Variants in LRRN2 observed in about 807,000 individuals in gnomAD.
LRRN2 encodes leucine-rich repeat neuronal protein 2.
In LRRN2, 10 loss-of-function variants were observed where a neutral mutation model predicts 35.7. That is an observed-to-expected ratio of 0.28 (90% CI 0.17 to 0.47). LRRN2 has a LOEUF of 0.47. Ranked by LOEUF, LRRN2 falls within the 20% of genes least tolerant of loss-of-function variation. LRRN2 has a pLI of 0.99. For synonymous variants in LRRN2, 391 were observed against 409.6 expected (o/e 0.95, Z 0.55); for missense variants, 731 against 940.3 (o/e 0.78, Z 2.91).
chr1:204,618,488 A>G lies in LRRN2; in HGVS notation c.1505T>C (p.Leu502Pro). The G allele has an allele frequency of 6.2e-7, 1 of 1,614,212 alleles. No individual in the cohort carries two copies. The highest frequency in any genetic ancestry group is 8.5e-7 in the Non-Finnish European group (1 of 1,180,034). ...AGLYTCVAQN[L>P]VGADTKTVSV... ...AACCGTCTTAGTGTCAGCCCCCACC[A>G]GGTTCTGGGCCACACAGGTGTATAG... Residue 502 changes from leucine to proline, a missense_variant, in exon 2 of 2, where the codon CTG (leucine) becomes CCG (proline). This residue lies in a region of LRRN2 where 256 missense variants were observed against 392.4 expected (regional missense o/e 0.65). Transcript: ENST00000367177.
At chr1:204,682,407 G>T (rs1668975220) in intron 1 of LRRN2, among the ~76,000 whole-genome samples, 1 of 152,176 alleles carries the variant, frequency 6.6e-6, no homozygotes, top group African/African-American at 2.4e-5. Context: ...GAAAAGTTAG[G>T]TTAGAATGTA....
intron 1 of LRRN2, among the ~76,000 whole-genome samples, chr1:204,684,899 C>G (rs536404966): frequency 6.6e-6 from 1 of 152,368 alleles, no homozygotes; most frequent in South Asian, 2.1e-4. Flanking sequence ...GCCAGTCCGC[C>G]CGTGTCACGC....
intron 1 of LRRN2, among the ~76,000 whole-genome samples, chr1:204,659,610 GT>G (rs35807254): frequency 4.7e-5 from 1 of 21,374 alleles, no homozygotes; most frequent in Non-Finnish European, 7.7e-5. Context: ...CTACCTTCAG[GT>G]GTGTGTGTGT....
chr1:204,624,755 A>C (rs145966885), intron 1 of LRRN2, among the ~76,000 whole-genome samples: 11,744 of 103,586 alleles, frequency 0.11, 209 homozygotes, highest in African/African-American at 0.13. Flanking sequence ...TTCCCCCCCC[A>C]CCCCCCCCCC....
rs1666493455 is a variant in LRRN2, at chr1:204,618,055, T to C, written c.1938A>G (p.Leu646=). The C allele has an allele frequency of 2.5e-6, 4 of 1,613,528 alleles. No individual in the cohort carries two copies. The highest frequency in any genetic ancestry group is 3.4e-6 in the Non-Finnish European group (4 of 1,179,730). The stretch of plus-strand genomic sequence containing the variant: ...GTTGGCCTGTGCCAAGGTGGGCCGC[T>C]AGCCCAGCTGCCAGGAGAAGGACAG... ...ALAVLLLAAG[L]AAHLGTGQPR... Residue 646 remains leucine, a synonymous_variant, in exon 2 of 2, where the codon CTA becomes CTG. Transcript: ENST00000367177.
chr1:204,663,256 A>G (rs916707168), intron 1 of LRRN2, among the ~76,000 whole-genome samples: 6 of 152,196 alleles, frequency 3.9e-5, no homozygotes, highest in Non-Finnish European at 8.8e-5. Flanking sequence ...GACCTGGAGC[A>G]TATCAGCAAG....
chr1:204,679,995 T>C (rs1237800144), intron 1 of LRRN2, among the ~76,000 whole-genome samples: 2 of 152,090 alleles, frequency 1.3e-5, no homozygotes, highest in Non-Finnish European at 2.9e-5. Context: ...AGGAGGAGAA[T>C]GGGCTGGATG....
At chr1:204,637,901 T>A (rs1050322617) in intron 1 of LRRN2, among the ~76,000 whole-genome samples, 5 of 152,150 alleles carry the variant, frequency 3.3e-5, no homozygotes, top group Non-Finnish European at 7.4e-5. Flanking sequence ...CAGACAAACT[T>A]TGTGAGTTAA....
At chr1:204,665,343 C>A (rs986142355) in intron 1 of LRRN2, among the ~76,000 whole-genome samples, 1 of 152,084 alleles carries the variant, frequency 6.6e-6, no homozygotes, top group African/African-American at 2.4e-5. Context: ...CTCCTCCTGT[C>A]ACCCAGGCTG....
At chr1:204,670,900 A>G (rs778832296) in intron 1 of LRRN2, among the ~76,000 whole-genome samples, 23 of 152,212 alleles carry the variant, frequency 1.5e-4, no homozygotes, top group Non-Finnish European at 2.8e-4. Flanking sequence ...CAACCCTTTC[A>G]GACATTTGGC....
chr1:204,669,141 A>T (rs1475859726), intron 1 of LRRN2, among the ~76,000 whole-genome samples: 1 of 152,198 alleles, frequency 6.6e-6, no homozygotes, highest in Admixed American at 6.5e-5. Context: ...AGCTTTTCAC[A>T]CGTGAAAGAT....
chr1:204,685,238 C>T (rs1036492790), intron 1 of LRRN2, 82 bp downstream of exon 1: 1 of 152,518 alleles, frequency 6.6e-6, no homozygotes, highest in South Asian at 2.1e-4. Context: ...GCGTACGCCT[C>T]GGCCACGCCA....
At chr1:204,632,691 G>A (rs1484238145) in intron 1 of LRRN2, among the ~76,000 whole-genome samples, 3 of 151,708 alleles carry the variant, frequency 2.0e-5, no homozygotes, top group African/African-American at 7.3e-5. Flanking sequence ...CAGCACTTTG[G>A]GAGGCCGAGG....
intron 1 of LRRN2, among the ~76,000 whole-genome samples, chr1:204,630,832 C>T (rs2102592587): frequency 1.3e-5 from 2 of 152,184 alleles, no homozygotes; most frequent in South Asian, 4.2e-4. Context: ...CACTCCTTAC[C>T]CATCTCCAAA....
chr1:204,618,308 G>T lies in LRRN2; in HGVS notation c.1685C>A (p.Ser562Tyr), dbSNP rs201115798. 4.4e-6 allele frequency: 7 copies of T among 1,596,406 alleles called. No homozygotes were observed. The Admixed American group carries it at 8.5e-5, about 19-fold the overall frequency. Residue 562 changes from serine (S) to tyrosine (Y), a missense_variant, in exon 2 of 2, where the codon TCC (serine) becomes TAC (tyrosine). This residue lies in a region of LRRN2 where 229 missense variants were observed against 258.4 expected (regional missense o/e 0.89). Transcript: ENST00000367177. Reference protein sequence around the residue: ...VSTNLTWSSASSLRGQGATAL... With the variant: ...VSTNLTWSSAYSLRGQGATAL... ...TGTGGCCCCCTGGCCCCGGAGGGAG[G>T]AGGCACTGGACCAGGTGAGGTTGGT...
chr1:204,684,622 T>C (rs1025662168), intron 1 of LRRN2, among the ~76,000 whole-genome samples: 1 of 152,048 alleles, frequency 6.6e-6, no homozygotes, highest in Non-Finnish European at 1.5e-5. Flanking sequence ...GCCCATCCTG[T>C]CTCCTGGGTC....
At position 204,674,761 on chromosome 1, in the gene LRRN2, A is replaced by C. The variant is rs570371460; in HGVS notation, c.-227+10559T>G. On this transcript the variant is annotated intron_variant, in intron 1 of 1. Transcript: ENST00000367177. ...CACCTGGTGACCAGTTCCAGGACAA[A>C]GAACACGGACAGATCTGAGCAACCT... Among the ~76,000 whole-genome samples, 30 of 152,294 alleles carry C rather than the reference A, an allele frequency of 2.0e-4. 1 individual carries two copies. Among genetic ancestry groups the C allele is most frequent in the Admixed American group, 6.5e-4 (10 of 15,300 alleles).
chr1:204,653,460 C>T (rs139864143), intron 1 of LRRN2, among the ~76,000 whole-genome samples: 1 of 152,340 alleles, frequency 6.6e-6, no homozygotes, highest in African/African-American at 2.4e-5. Flanking sequence ...TTACTGAACA[C>T]TTGGTATGAA....
At chr1:204,624,616 C>T (rs1054214476) in intron 1 of LRRN2, among the ~76,000 whole-genome samples, 1 of 152,198 alleles carries the variant, frequency 6.6e-6, no homozygotes, top group African/African-American at 2.4e-5. Flanking sequence ...GTTTTGGAGA[C>T]GCTGTCACTA....
Sources: gnomAD v4.1 joint callset for allele counts (sites outside exome capture counted in the v4.1 genomes callset) on GRCh38, gnomAD v4.1.1 for gene constraint, gnomAD v4.1.1 regional missense constraint, MANE v1.5 for transcripts, NCBI Gene and HGNC (gene_info 2026-07-23, HGNC 2026-07-21) for gene names.